PPP6C: variants seen among roughly 807,000 people sequenced by gnomAD.
The protein encoded by PPP6C is serine/threonine-protein phosphatase 6 catalytic subunit.
PPP6C carries 11 observed loss-of-function variants against 39.8 expected under a neutral mutation model. The ratio of observed to expected loss-of-function variants is 0.28; its 90% CI spans 0.17 to 0.46. The LOEUF (loss-of-function observed/expected upper bound fraction) is 0.46, where lower values mean the gene tolerates loss of function less well. Among genes scored for constraint, PPP6C ranks in the 20% least tolerant of loss-of-function variants. PPP6C has a pLI of 1.00. For missense variants in PPP6C, 211 were observed against 373.9 expected (o/e 0.56, Z 3.59); for synonymous variants, 129 against 130.3 (o/e 0.99, Z 0.07).
Position 125,149,781 on chromosome 9 carries a change from C to T in PPP6C, c.810G>A (p.Ser270=), listed in dbSNP as rs752248149. The change falls in exon 7 of 7, where the codon TCG becomes TCA. Residue 270 remains serine, a synonymous_variant. Coordinates refer to ENST00000373547, the MANE Select transcript of PPP6C (RefSeq NM_002721.5). ...TATTTACATCTTTGAAGACCATGAT[C>T]GAAGCAATATTTCCACAACGATAGC... is the stretch of plus-strand genomic sequence containing the variant. The part of the protein sequence containing the change: ...NYCYRCGNIA[S]IMVFKDVNTR... The T allele has an allele frequency of 2.8e-5, 46 of 1,614,114 alleles. No homozygotes were observed. Among genetic ancestry groups the T allele is most frequent in the Admixed American group, 1.2e-4 (7 of 60,016 alleles).
intron 2 of PPP6C, among the ~76,000 whole-genome samples, chr9:125,167,715 A>AT (rs879449302): frequency 8.8e-4 from 124 of 141,192 alleles, no homozygotes; most frequent in Admixed American, 4.2e-3. Flanking sequence ...AAAAAAAAAA[A>AT]TTTTTTTTTT....
In PPP6C at chr9:125,173,151, G is replaced by A. The variant is rs577826064; in HGVS notation, c.76-1971C>T. 5.9e-5 allele frequency among the ~76,000 whole-genome samples: 9 copies of A among 152,034 alleles called. No individual in the cohort carries two copies. In the East Asian group the frequency reaches 1.2e-3, roughly 20 times the overall value. On this transcript the variant is annotated intron_variant, in intron 1 of 6. Coordinates refer to ENST00000373547, the MANE Select transcript of PPP6C (RefSeq NM_002721.5). ...AATTAGGCTGGGCATGGTGAATCACGCCTGTAATCCCAGAACTTTGGGAGG... is the reference window on the plus strand; with the variant it reads ...AATTAGGCTGGGCATGGTGAATCACACCTGTAATCCCAGAACTTTGGGAGG...
At chr9:125,187,033 G>C (rs1007417067) in intron 1 of PPP6C, among the ~76,000 whole-genome samples, 1 of 130,452 alleles carries the variant, frequency 7.7e-6, no homozygotes, top group Non-Finnish European at 1.5e-5. Flanking sequence ...TGCAACCTCC[G>C]CCTCCCTGGT....
intron 2 of PPP6C, among the ~76,000 whole-genome samples, chr9:125,164,916 T>G (rs2131317424): frequency 6.6e-6 from 1 of 152,280 alleles, no homozygotes; most frequent in South Asian, 2.1e-4. Flanking sequence ...TTTTTGTATT[T>G]TTAGTAGAGA....
chr9:125,160,734 TG>T (rs199598234), intron 3 of PPP6C, 106 bp downstream of exon 3: 1 of 756,090 alleles, frequency 1.3e-6, no homozygotes, highest in Non-Finnish European at 2.0e-6. Context: ...TTTAATATAC[TG>T]AAATAGGGAC....
intron 1 of PPP6C, among the ~76,000 whole-genome samples, chr9:125,174,188 A>G (rs1209844891): frequency 6.6e-6 from 1 of 151,994 alleles, no homozygotes; most frequent in East Asian, 1.9e-4. Flanking sequence ...TAACAAGCAT[A>G]ATGAAATCAC....
intron 1 of PPP6C, among the ~76,000 whole-genome samples, chr9:125,178,370 T>C (rs1264348930): frequency 6.6e-6 from 1 of 152,232 alleles, no homozygotes; most frequent in Admixed American, 6.5e-5. Context: ...GGTTATCTCA[T>C]GGTTGTTTCA....
At chr9:125,188,959 A>T (rs187724276) in intron 1 of PPP6C, 1 of 1,545,510 alleles carries the variant, frequency 6.5e-7, no homozygotes, top group African/African-American at 1.4e-5. Context: ...TGAGTTAAGA[A>T]GGGGTTAAGG....
chr9:125,189,247 T>C (rs1198454332), intron 1 of PPP6C, among the ~76,000 whole-genome samples: 2 of 152,144 alleles, frequency 1.3e-5, no homozygotes, highest in African/African-American at 4.8e-5. Context: ...CACTCCGCGC[T>C]CCTGTCACCT....
At chr9:125,161,133 T>C (rs1273938820) in intron 2 of PPP6C, among the ~76,000 whole-genome samples, 1 of 152,174 alleles carries the variant, frequency 6.6e-6, no homozygotes, top group Non-Finnish European at 1.5e-5. Context: ...TATCATAGGA[T>C]TCCCTTTCTC....
chr9:125,186,620 T>C (rs1588299886), intron 1 of PPP6C, among the ~76,000 whole-genome samples: 1 of 151,622 alleles, frequency 6.6e-6, no homozygotes, highest in African/African-American at 2.4e-5. Flanking sequence ...CATGGGGGCA[T>C]GTGCCTGTGG....
rs946653698 is a variant in PPP6C at position 125,165,414 on chromosome 9, A to G, written c.172-4508T>C. 2.6e-5 allele frequency among the ~76,000 whole-genome samples: 4 copies of G among 152,118 alleles called. No homozygotes were observed. In the East Asian group the frequency reaches 7.7e-4, roughly 29 times the overall value. ...AATTCCATCTCAAAAAAACAAATCA[A>G]TAACATACCCATCAAAAAGTATCAC... On this transcript the variant is annotated intron_variant, in intron 2 of 6. Coordinates refer to ENST00000373547, the MANE Select transcript of PPP6C (RefSeq NM_002721.5).
rs1158508812 is a variant in PPP6C, at chr9:125,167,747, C to A, written c.171+3338G>T. 4.8e-5 allele frequency among the ~76,000 whole-genome samples: 7 copies of A among 147,220 alleles called. No individual in the cohort carries two copies. The East Asian group carries it at 1.0e-3, about 21-fold the overall frequency. ...TTTTTTAGAGATGGGGAGTCTCAGG[C>A]CGGACGCAGTGGCTCACGCCTGTAA... is the stretch of plus-strand genomic sequence containing the variant. On this transcript the variant is annotated intron_variant, in intron 2 of 6. Transcript: ENST00000373547.
intron 1 of PPP6C, among the ~76,000 whole-genome samples, chr9:125,171,470 C>CAT (rs1348478199): frequency 4.1e-4 from 10 of 24,688 alleles, no homozygotes; most frequent in Admixed American, 3.2e-3. Flanking sequence ...TACACACACA[C>CAT]ACACACACAT....
rs34609209 is a variant in PPP6C, at chr9:125,184,966, C to CAAAAAAA, written c.75+4671_75+4677dup. ...TGGGCAATAGAGTTAGATTCAGTCT[C>CAAAAAAA]AAAAAAAAAAAAAAAAAAAAAACCT... On this transcript the variant is annotated intron_variant, in intron 1 of 6. Coordinates refer to ENST00000373547, the MANE Select transcript of PPP6C (RefSeq NM_002721.5). Among the ~76,000 whole-genome samples the CAAAAAAA allele has an allele frequency of 7.3e-4, 51 of 70,020 alleles. 2 individuals carry two copies. In the East Asian group the frequency reaches 7.4e-3, roughly 10 times the overall value. 45.9% of individuals were successfully genotyped at this position (70,020 alleles called of 152,430 possible).
intron 1 of PPP6C, among the ~76,000 whole-genome samples, chr9:125,183,230 C>T (rs1829455192): frequency 6.6e-6 from 1 of 152,136 alleles, no homozygotes; most frequent in Non-Finnish European, 1.5e-5. Context: ...TATCACCGGG[C>T]CTACTGCTTC....
intron 1 of PPP6C, among the ~76,000 whole-genome samples, chr9:125,185,433 C>T (rs1413043991): frequency 6.6e-6 from 1 of 152,048 alleles, no homozygotes; most frequent in Non-Finnish European, 1.5e-5. Context: ...GTGGCTCACG[C>T]CTGTAATCCC....
chr9:125,169,441 C>T (rs753882590), intron 2 of PPP6C, among the ~76,000 whole-genome samples: 4 of 152,222 alleles, frequency 2.6e-5, no homozygotes, highest in Non-Finnish European at 5.9e-5. Flanking sequence ...TTGATCATGG[C>T]TGTACTTCAC....
At chr9:125,164,190 C>T (rs1828959114) in intron 2 of PPP6C, among the ~76,000 whole-genome samples, 1 of 149,538 alleles carries the variant, frequency 6.7e-6, no homozygotes, top group African/African-American at 2.5e-5. Context: ...TAATATCTAC[C>T]ATCTACTCTA....
Sources: allele counts gnomAD v4.1 joint callset (sites outside exome capture counted in the v4.1 genomes callset), GRCh38; gene constraint gnomAD v4.1.1; transcripts MANE v1.5; gene names NCBI Gene and HGNC (gene_info 2026-07-23, HGNC 2026-07-21).